The following GRK5 variants were observed in gnomAD, a reference collection of about 807,000 sequenced individuals.
GRK5 encodes G protein-coupled receptor kinase 5.
In GRK5, 40 loss-of-function variants were observed where a neutral mutation model predicts 78.4. The observed-to-expected ratio is 0.51, with a 90% CI of 0.40 to 0.66. The LOEUF is 0.66. GRK5 is among the 30% of genes least tolerant of loss of function. The pLI, the probability that GRK5 is intolerant of heterozygous loss-of-function variation, is 0.00. For synonymous variants in GRK5, 289 were observed against 296.8 expected, an observed-to-expected ratio of 0.97 and a Z score of 0.27; for missense variants, 598 against 759.9, an observed-to-expected ratio of 0.79 and a Z score of 2.50.
chr10:119,447,386 C>A (rs952319128), intron 12 of GRK5, among the ~76,000 whole-genome samples: 1 of 152,186 alleles, frequency 6.6e-6, no homozygotes, highest in African/African-American at 2.4e-5. Context: ...TGACCCATCT[C>A]TGCACCCTCC....
At chr10:119,246,756 T>G (rs2133748074) in intron 1 of GRK5, among the ~76,000 whole-genome samples, 1 of 152,312 alleles carries the variant, frequency 6.6e-6, no homozygotes, top group East Asian at 1.9e-4. Context: ...TAGTTGAGGT[T>G]TAAAGCTCCC....
chr10:119,345,181 G>T (rs576661165), intron 2 of GRK5, among the ~76,000 whole-genome samples: 1 of 152,202 alleles, frequency 6.6e-6, no homozygotes, highest in Non-Finnish European at 1.5e-5. Context: ...TGTTAGCCAG[G>T]ATGGTCTCGA....
chr10:119,417,839 T>C (rs926987793), intron 4 of GRK5, among the ~76,000 whole-genome samples: 5 of 152,120 alleles, frequency 3.3e-5, no homozygotes, highest in African/African-American at 7.2e-5. Context: ...GCCCTACTTA[T>C]GTTCCAAGTG....
At chr10:119,381,322 A>T (rs1404720915) in intron 3 of GRK5, among the ~76,000 whole-genome samples, 1 of 152,194 alleles carries the variant, frequency 6.6e-6, no homozygotes, top group Non-Finnish European at 1.5e-5. Context: ...TGTTTGTACA[A>T]TTGTTTATTG....
chr10:119,379,227 G>A lies in GRK5; in HGVS notation c.149-1588G>A, dbSNP rs767230875. 5.3e-5 allele frequency among the ~76,000 whole-genome samples: 8 copies of A among 152,180 alleles called. No individual in the cohort carries two copies. The highest frequency in any genetic ancestry group is 1.0e-4 in the Non-Finnish European group (7 of 68,044). On this transcript the variant is annotated intron_variant, in intron 2 of 15. Transcript: ENST00000392870. This position sits in a 1 kb window ranked among gnomAD's most constrained non-coding sequence, Gnocchi z 4.1. ...TATTCATTCTTCGGGACGGTCCTAG[G>A]AGTTAGGTCTGCTTACCGTCCGCAG...
intron 1 of GRK5, among the ~76,000 whole-genome samples, chr10:119,291,857 T>G (rs1216205397): frequency 8.0e-6 from 1 of 124,660 alleles, no homozygotes; most frequent in African/African-American, 3.1e-5. Context: ...TCTTCCTTCT[T>G]CTCCTTTTCC....
rs1853195502 is a variant in GRK5 at position 119,448,220 on chromosome 10, G to A, written c.1364G>A (p.Arg455His). 1.9e-6 allele frequency: 3 copies of A among 1,597,642 alleles called. No homozygotes were observed. Among genetic ancestry groups the A allele is most frequent in the African/African-American group, 1.4e-5 (1 of 73,766 alleles). ...TTCTTCAGGAACATGAACTTCAAGC[G>A]CTTAGAAGCCGGGATGTTGGACCCT... is the stretch of plus-strand genomic sequence containing the variant. ...HPFFRNMNFK[R>H]LEAGMLDPPF... Residue 455 changes from arginine to histidine, a missense_variant, in exon 13 of 16, where the codon CGC (arginine) becomes CAC (histidine). Coordinates refer to ENST00000392870, the MANE Select transcript of GRK5 (RefSeq NM_005308.3).
intron 1 of GRK5, among the ~76,000 whole-genome samples, chr10:119,304,817 C>G (rs752754582): frequency 4.6e-5 from 7 of 152,242 alleles, no homozygotes; most frequent in African/African-American, 1.4e-4. Context: ...GCCCTGTGCA[C>G]GCAGATGCGG....
At chr10:119,228,507 G>A (rs569341741) in intron 1 of GRK5, among the ~76,000 whole-genome samples, 24 of 151,790 alleles carry the variant, frequency 1.6e-4, no homozygotes, top group African/African-American at 5.8e-4. Context: ...GTGCATGCCT[G>A]TAGTCCTAGC....
At chr10:119,312,812 A>G (rs1456130083) in intron 1 of GRK5, among the ~76,000 whole-genome samples, 1 of 152,206 alleles carries the variant, frequency 6.6e-6, no homozygotes, top group Non-Finnish European at 1.5e-5. Flanking sequence ...TAGGGTAGAG[A>G]CATAGCTGAA....
intron 1 of GRK5, among the ~76,000 whole-genome samples, chr10:119,232,733 G>A (rs1435940625): frequency 6.6e-6 from 1 of 152,114 alleles, no homozygotes; most frequent in Non-Finnish European, 1.5e-5. Flanking sequence ...TGATTATGAG[G>A]CTTCCCCAGC....
At chr10:119,447,668 G>A (rs1853182907) in intron 12 of GRK5, among the ~76,000 whole-genome samples, 1 of 152,190 alleles carries the variant, frequency 6.6e-6, no homozygotes, top group South Asian at 2.1e-4. Context: ...AGCCCCCCAT[G>A]AGTCTGAGCA....
At chr10:119,328,132 C>T (rs547943054) in intron 2 of GRK5, among the ~76,000 whole-genome samples, 2 of 152,204 alleles carry the variant, frequency 1.3e-5, no homozygotes, top group African/African-American at 2.4e-5. Context: ...GGGCCCATGC[C>T]CCTCTGCACA....
intron 2 of GRK5, among the ~76,000 whole-genome samples, chr10:119,361,960 C>CA (rs71016566): frequency 1.2e-5 from 1 of 85,656 alleles, no homozygotes; most frequent in African/African-American, 4.4e-5. Flanking sequence ...GACTCTATCT[C>CA]AAAAAAAAAA....
At position 119,207,808 on chromosome 10, in the gene GRK5, C is replaced by T. The variant is rs1203606158; in HGVS notation, c.-110C>T. The T allele has an allele frequency of 5.8e-5, 62 of 1,068,492 alleles. No individual in the cohort carries two copies. The highest frequency in any genetic ancestry group is 7.9e-5 in the Non-Finnish European group (59 of 749,110). 66.2% of individuals were successfully genotyped at this position (1,068,492 alleles called of 1,614,324 possible). On this transcript the variant is annotated 5_prime_UTR_variant, in exon 1 of 16. Coordinates refer to ENST00000392870, the MANE Select transcript of GRK5 (RefSeq NM_005308.3). ...GGTAGGCAAGGCGGGCTGCTGGCTC[C>T]CCCGGCTCCGGCAGCAGCGGCGGCA...
Position 119,336,334 on chromosome 10 carries a change from T to A in GRK5, c.148+9723T>A, listed in dbSNP as rs141548120. On this transcript the variant is annotated intron_variant, in intron 2 of 15. Coordinates refer to ENST00000392870, the MANE Select transcript of GRK5 (RefSeq NM_005308.3). The surrounding 1 kb of genome is among the most constrained non-coding windows in gnomAD (Gnocchi z 4.5). ...CCCTGCTCTGGCCCAGTGTGTTTCC[T>A]TGAAAGGACGTGTGTCATCTAGAAG... Among the ~76,000 whole-genome samples, 78 of 152,232 alleles carry A rather than the reference T, an allele frequency of 5.1e-4. No individual in the cohort carries two copies. Among genetic ancestry groups the A allele is most frequent in the South Asian group, 4.8e-3 (23 of 4,822 alleles).
chr10:119,373,403 T>C (rs1005242473), intron 2 of GRK5, among the ~76,000 whole-genome samples: 4 of 152,210 alleles, frequency 2.6e-5, no homozygotes, highest in African/African-American at 9.7e-5. Context: ...GGGATGGGTC[T>C]TTCCCATGCT....
At chr10:119,394,253 GAT>G (rs1564916849) in intron 3 of GRK5, among the ~76,000 whole-genome samples, 2 of 14,520 alleles carry the variant, frequency 1.4e-4, no homozygotes, top group African/African-American at 2.7e-4. Flanking sequence ...TCTGTGTGTG[GAT>G]GTATCTGTGT....
chr10:119,445,869 G>A lies in GRK5; in HGVS notation c.1266+2117G>A. On this transcript the variant is annotated intron_variant, in intron 12 of 15. Transcript: ENST00000392870. This position sits in a 1 kb window ranked among gnomAD's most constrained non-coding sequence, Gnocchi z 4.1. ...ACAATCAGTGAGGAAGCCAGTCTCT[G>A]GCCCCCAGGTCTGTCCCCCATTCTA... Among the ~76,000 whole-genome samples the A allele has an allele frequency of 6.6e-6, 1 of 152,230 alleles. No homozygotes were observed. Among genetic ancestry groups the A allele is most frequent in the East Asian group, 1.9e-4 (1 of 5,168 alleles).
Sources: gnomAD v4.1 joint callset for allele counts (sites outside exome capture counted in the v4.1 genomes callset) on GRCh38, gnomAD v4.1.1 for gene constraint, Gnocchi (gnomAD v3.1) non-coding constraint, MANE v1.5 for transcripts, NCBI Gene and HGNC (gene_info 2026-07-23, HGNC 2026-07-21) for gene names.